MAPKAP1: variants seen among roughly 807,000 people sequenced by gnomAD.
MAPKAP1 encodes MAPK associated protein 1.
Under a neutral mutation model 65.7 loss-of-function variants are expected in MAPKAP1, and 20 were observed. That is an observed-to-expected ratio of 0.30 (90% confidence interval 0.21 to 0.44). MAPKAP1 has a LOEUF of 0.44. Among genes scored for constraint, MAPKAP1 ranks in the 20% least tolerant of loss-of-function variants. The pLI is 1.00. For synonymous variants in MAPKAP1, 222 were observed against 244.3 expected, an observed-to-expected ratio of 0.91 and a Z score of 0.85; for missense variants, 423 against 648.0, an observed-to-expected ratio of 0.65 and a Z score of 3.77.
At chr9:125,693,759 ACACG>A (rs1414202414) in intron 1 of MAPKAP1, among the ~76,000 whole-genome samples, 15 of 149,370 alleles carry the variant, frequency 1.0e-4, no homozygotes, top group Non-Finnish European at 1.9e-4. Flanking sequence ...ACACATATAT[ACACG>A]TATATACACA....
intron 5 of MAPKAP1, among the ~76,000 whole-genome samples, chr9:125,570,104 C>T (rs1348793685): frequency 6.6e-6 from 1 of 152,090 alleles, no homozygotes. Context: ...GGCCTGGGGA[C>T]ATGTGGAACT....
At chr9:125,563,958 G>A (rs761286099) in intron 5 of MAPKAP1, among the ~76,000 whole-genome samples, 31 of 152,156 alleles carry the variant, frequency 2.0e-4, no homozygotes, top group Non-Finnish European at 3.8e-4. Context: ...TGATCCACCC[G>A]CCTTGGCCTC....
chr9:125,533,560 C>T (rs567916433), intron 7 of MAPKAP1, among the ~76,000 whole-genome samples: 1 of 152,174 alleles, frequency 6.6e-6, no homozygotes, highest in Non-Finnish European at 1.5e-5. Flanking sequence ...AGCGATTCTC[C>T]CTGCCTCAGC....
chr9:125,496,548 T>C (rs1854956877), intron 8 of MAPKAP1, among the ~76,000 whole-genome samples: 1 of 152,138 alleles, frequency 6.6e-6, no homozygotes, highest in South Asian at 2.1e-4. Context: ...AGATCAGTAA[T>C]TTGTAACTGA....
rs952364662 is a variant in MAPKAP1, at chr9:125,595,585, T to C, written c.499-9858A>G. On this transcript the variant is annotated intron_variant, in intron 4 of 11. Coordinates refer to ENST00000265960, the MANE Select transcript of MAPKAP1 (RefSeq NM_001006617.3). This position sits in a 1 kb window ranked among gnomAD's most constrained non-coding sequence, Gnocchi z 4.0. ...TTCAAAATAATCTTGAATTAAGAAATATCATGCTATGTTTGTCAGCTTACT... is the reference window on the plus strand; with the variant it reads ...TTCAAAATAATCTTGAATTAAGAAACATCATGCTATGTTTGTCAGCTTACT... 5 of 1,273,436 alleles carry C rather than the reference T, an allele frequency of 3.9e-6. No homozygotes were observed. In the African/African-American group the frequency reaches 7.5e-5, roughly 19 times the overall value. 78.9% of individuals were successfully genotyped at this position (1,273,436 alleles called of 1,614,324 possible).
chr9:125,513,712 A>G (rs4837018), intron 7 of MAPKAP1, among the ~76,000 whole-genome samples: 77,416 of 152,030 alleles, frequency 0.51, 20,418 homozygotes, highest in African/African-American at 0.66. Context: ...AAACCACTGC[A>G]ATAAGGTTTA....
chr9:125,537,842 G>T (rs191627841), intron 7 of MAPKAP1, among the ~76,000 whole-genome samples: 2 of 152,120 alleles, frequency 1.3e-5, no homozygotes, highest in African/African-American at 4.8e-5. Flanking sequence ...TATCTGGCAT[G>T]AAAGTAAGGC....
Position 125,682,959 on chromosome 9 carries a change from CTT to C in MAPKAP1, c.-69-10318_-69-10317del, listed in dbSNP as rs5900668. 1.0e-3 allele frequency among the ~76,000 whole-genome samples: 140 copies of C among 137,474 alleles called. 1 individual carries two copies. The highest frequency in any genetic ancestry group is 3.7e-3 in the Middle Eastern group (1 of 268). The allele number at this position is 137,474 out of a possible 152,430, so 90.2% of individuals were successfully genotyped here. ...GACCCAGTAGATAGAATTTTAAATTCTTTTTTTTTTTTTTTTGAGACGGAGTT... is the reference window on the plus strand; with the variant it reads ...GACCCAGTAGATAGAATTTTAAATTCTTTTTTTTTTTTTTGAGACGGAGTT... On this transcript the variant is annotated intron_variant, in intron 1 of 11. Transcript: ENST00000265960.
At chr9:125,667,338 G>C (rs923705166) in intron 3 of MAPKAP1, among the ~76,000 whole-genome samples, 6 of 152,168 alleles carry the variant, frequency 3.9e-5, no homozygotes, top group Non-Finnish European at 2.9e-5. Context: ...TTTTGGGTTT[G>C]AGACACAGTC....
At chr9:125,571,686 C>T (rs1178184374) in intron 5 of MAPKAP1, among the ~76,000 whole-genome samples, 4 of 93,760 alleles carry the variant, frequency 4.3e-5, no homozygotes, top group Non-Finnish European at 9.3e-5. Context: ...TGGTGAAACC[C>T]CATCTTTACT....
chr9:125,594,871 C>A (rs12685779), intron 4 of MAPKAP1, among the ~76,000 whole-genome samples: 2,985 of 152,304 alleles, frequency 0.02, 162 homozygotes, highest in East Asian at 0.15. Flanking sequence ...TACCAATTCT[C>A]TATCCCAGGT....
At chr9:125,603,805 C>A (rs1341532005) in intron 4 of MAPKAP1, among the ~76,000 whole-genome samples, 1 of 151,974 alleles carries the variant, frequency 6.6e-6, no homozygotes, top group East Asian at 1.9e-4. Flanking sequence ...TAATTGCAAG[C>A]CCTTCACCAG....
At chr9:125,686,830 GTT>G (rs199569908) in intron 1 of MAPKAP1, among the ~76,000 whole-genome samples, 1 of 145,494 alleles carries the variant, frequency 6.9e-6, no homozygotes, top group Non-Finnish European at 1.5e-5. Context: ...TTTTGTTTTG[GTT>G]TTTTTTTTTT....
intron 10 of MAPKAP1, among the ~76,000 whole-genome samples, chr9:125,459,306 G>A (rs1853359344): frequency 1.3e-5 from 2 of 150,574 alleles, no homozygotes; most frequent in Non-Finnish European, 1.5e-5. Flanking sequence ...TGGCGGCCAG[G>A]CAGAGATGCT....
At chr9:125,456,620 C>CTG (rs1853171671) in intron 10 of MAPKAP1, among the ~76,000 whole-genome samples, 1 of 152,202 alleles carries the variant, frequency 6.6e-6, no homozygotes, top group East Asian at 1.9e-4. Context: ...TTATTCCTTG[C>CTG]TAGCACTCTC....
intron 1 of MAPKAP1, among the ~76,000 whole-genome samples, chr9:125,696,732 T>C (rs1835398715): frequency 6.6e-6 from 1 of 152,230 alleles, no homozygotes; most frequent in Non-Finnish European, 1.5e-5. Context: ...TTTGTTTTAC[T>C]TCCACAGTCT....
chr9:125,438,286 C>T lies in MAPKAP1; in HGVS notation c.*601G>A. On this transcript the variant is annotated 3_prime_UTR_variant, in exon 12 of 12. Coordinates refer to ENST00000265960, the MANE Select transcript of MAPKAP1 (RefSeq NM_001006617.3). ...TCCTAACTTTTAGTAAGACACTACC[C>T]TCGAAGCAAATGCACTCATTTAAAC... The T allele has an allele frequency of 2.5e-6, 1 of 398,308 alleles. No individual in the cohort carries two copies. Among genetic ancestry groups the T allele is most frequent in the Non-Finnish European group, 4.4e-6 (1 of 225,948 alleles). 24.7% of individuals were successfully genotyped at this position (398,308 alleles called of 1,614,324 possible). A position where few individuals can be genotyped will look rare whatever the true frequency, so the allele number is the denominator to read the frequency against.
intron 4 of MAPKAP1, among the ~76,000 whole-genome samples, chr9:125,623,006 CG>C (rs1832956408): frequency 6.6e-6 from 1 of 151,948 alleles, no homozygotes; most frequent in South Asian, 2.1e-4. Context: ...CTGTGTTGGC[CG>C]GGCCGGTCTC....
chr9:125,698,774 T>C (rs1429318403), intron 1 of MAPKAP1, among the ~76,000 whole-genome samples: 1 of 152,180 alleles, frequency 6.6e-6, no homozygotes, highest in Non-Finnish European at 1.5e-5. Flanking sequence ...AAAAAGATAA[T>C]ATAAACACTT....
Sources: allele counts gnomAD v4.1 joint callset (sites outside exome capture counted in the v4.1 genomes callset), GRCh38; gene constraint gnomAD v4.1.1; non-coding constraint Gnocchi (gnomAD v3.1); transcripts MANE v1.5; gene names NCBI Gene and HGNC (gene_info 2026-07-23, HGNC 2026-07-21).